The following KCNT1 variants were observed in gnomAD, a reference collection of about 807,000 sequenced individuals.
KCNT1 encodes potassium channel subfamily T member 1.
A neutral mutation model predicts 147.8 loss-of-function variants in KCNT1; 78 were observed. The observed-to-expected ratio is 0.53, with a 90% CI of 0.44 to 0.64. The LOEUF is 0.64. Ranked by LOEUF, KCNT1 falls within the 30% of genes least tolerant of loss-of-function variation. The pLI, the probability that KCNT1 is intolerant of heterozygous loss-of-function variation, is 0.00. For synonymous variants in KCNT1, 867 were observed against 748.8 expected, an observed-to-expected ratio of 1.16 and a Z score of -2.58; for missense variants, 1,419 against 1,750.3, an observed-to-expected ratio of 0.81 and a Z score of 3.38.
At chr9:135,763,101 G>A (rs931004764) in intron 11 of KCNT1, among the ~76,000 whole-genome samples, 1 of 152,374 alleles carries the variant, frequency 6.6e-6, no homozygotes, top group East Asian at 1.9e-4. Context: ...GGGGGCTGGC[G>A]CACCCTCCCT....
intron 13 of KCNT1, among the ~76,000 whole-genome samples, chr9:135,767,368 G>A (rs182373286): frequency 6.6e-6 from 1 of 152,254 alleles, no homozygotes; most frequent in East Asian, 1.9e-4. Flanking sequence ...AGACAGTGGT[G>A]CCAGTGATGT....
At chr9:135,774,412 G>T (rs1203213107) in intron 19 of KCNT1, among the ~76,000 whole-genome samples, 1 of 141,400 alleles carries the variant, frequency 7.1e-6, no homozygotes, top group Non-Finnish European at 1.6e-5. Context: ...TGTGTGTGTG[G>T]TGTGTGTCTG....
rs760121994 is a variant in KCNT1 at position 135,714,736 on chromosome 9, G to A, written c.254+16G>A. The A allele has an allele frequency of 1.6e-6, 2 of 1,279,522 alleles. No individual in the cohort carries two copies. The highest frequency in any genetic ancestry group is 2.6e-5 in the African/African-American group (1 of 37,968). The allele number at this position is 1,279,522 out of a possible 1,614,324, so 79.3% of individuals were successfully genotyped here. A position where few individuals can be genotyped will look rare whatever the true frequency, so the allele number is the denominator to read the frequency against. On this transcript the variant is annotated intron_variant, in intron 2 of 30. Coordinates refer to ENST00000371757, the MANE Select transcript of KCNT1 (RefSeq NM_020822.3). This position sits in a 1 kb window ranked among gnomAD's most constrained non-coding sequence, Gnocchi z 6.2. Reference sequence around the variant, plus strand: ...ACGACGACAGGTAGGGACCGGGCGCGGGGTGGGGGCTGGGGTCGCCGTCCC... The same window carrying A: ...ACGACGACAGGTAGGGACCGGGCGCAGGGTGGGGGCTGGGGTCGCCGTCCC...
At chr9:135,760,124 G>C (rs979024400) in intron 11 of KCNT1, among the ~76,000 whole-genome samples, 18 of 152,264 alleles carry the variant, frequency 1.2e-4, no homozygotes, top group Non-Finnish European at 2.4e-4. Context: ...TCCAGTGCCA[G>C]GGTGACCTGC....
At chr9:135,748,196 G>A (rs1185792075) in intron 2 of KCNT1, among the ~76,000 whole-genome samples, 1 of 152,128 alleles carries the variant, frequency 6.6e-6, no homozygotes, top group Admixed American at 6.5e-5. Flanking sequence ...TGCCTCCCAA[G>A]TTCCTGGGAT....
At chr9:135,732,025 GA>G (rs1431027038) in intron 2 of KCNT1, among the ~76,000 whole-genome samples, 20 of 115,770 alleles carry the variant, frequency 1.7e-4, no homozygotes, top group Non-Finnish European at 2.3e-4. Context: ...GAGAGAGAGA[GA>G]GAGAGAGAGA....
At chr9:135,722,857 C>T (rs1281538189) in intron 2 of KCNT1, among the ~76,000 whole-genome samples, 1 of 152,224 alleles carries the variant, frequency 6.6e-6, no homozygotes, top group African/African-American at 2.4e-5. Context: ...AAATACCATC[C>T]CATCAGCGGT....
chr9:135,734,231 G>A (rs942118086), intron 2 of KCNT1, among the ~76,000 whole-genome samples: 4 of 152,180 alleles, frequency 2.6e-5, no homozygotes, highest in African/African-American at 7.2e-5. Flanking sequence ...GGAGCAGAAA[G>A]TGCTGGGGAC....
chr9:135,782,776 G>A (rs758840368), intron 24 of KCNT1, among the ~76,000 whole-genome samples: 43 of 152,308 alleles, frequency 2.8e-4, no homozygotes, highest in Non-Finnish European at 4.3e-4. Flanking sequence ...GTTCGTCTCC[G>A]CGAAGTACGG....
intron 2 of KCNT1, among the ~76,000 whole-genome samples, chr9:135,718,694 C>G (rs1297441896): frequency 6.6e-6 from 1 of 152,218 alleles, no homozygotes; most frequent in Non-Finnish European, 1.5e-5. Context: ...TATTTCTACC[C>G]TGGGGCAGGC....
chr9:135,775,189 C>T (rs141192156), intron 19 of KCNT1, 121 bp from the exon 20 acceptor site: 22 of 652,352 alleles, frequency 3.4e-5, no homozygotes, highest in Non-Finnish European at 4.9e-5. Context: ...TGTGCGTGAC[C>T]CCGAGCAACG....
At chr9:135,748,741 C>T (rs1461938438) in intron 2 of KCNT1, among the ~76,000 whole-genome samples, 1 of 152,226 alleles carries the variant, frequency 6.6e-6, no homozygotes, top group Non-Finnish European at 1.5e-5. Flanking sequence ...TCTGTCTGCC[C>T]TACTGTGTTG....
intron 17 of KCNT1, 101 bp downstream of exon 17, chr9:135,770,548 G>C: frequency 7.1e-7 from 1 of 1,411,428 alleles, no homozygotes; most frequent in Non-Finnish European, 9.6e-7. Flanking sequence ...CTGGGGCGGG[G>C]CTGCAGAGGG....
intron 1 of KCNT1, among the ~76,000 whole-genome samples, chr9:135,709,013 T>G (rs1835369068): frequency 6.6e-6 from 1 of 152,216 alleles, no homozygotes; most frequent in Admixed American, 6.5e-5. Context: ...CCTTAGCTGT[T>G]CCGTTTGCCA....
intron 19 of KCNT1, among the ~76,000 whole-genome samples, chr9:135,774,309 G>A (rs969210515): frequency 1.3e-5 from 2 of 148,920 alleles, no homozygotes; most frequent in African/African-American, 4.9e-5. Context: ...GTGTGTCTGT[G>A]TGCTGTGTGT....
chr9:135,720,053 G>C (rs542026933), intron 2 of KCNT1, among the ~76,000 whole-genome samples: 2 of 152,142 alleles, frequency 1.3e-5, no homozygotes, highest in Admixed American at 6.5e-5. Flanking sequence ...GCGGGCCTGC[G>C]TGGAGGATGG....
chr9:135,724,249 C>T (rs1410840435), intron 2 of KCNT1, among the ~76,000 whole-genome samples: 1 of 152,240 alleles, frequency 6.6e-6, no homozygotes, highest in Admixed American at 6.5e-5. Context: ...TCCCCGGAGG[C>T]CAGGCTGGGG....
chr9:135,747,526 C>G (rs1369127919), intron 2 of KCNT1, among the ~76,000 whole-genome samples: 1 of 152,128 alleles, frequency 6.6e-6, no homozygotes, highest in Non-Finnish European at 1.5e-5. Context: ...GCCTGGACCT[C>G]CAGCATCCTG....
At chr9:135,764,330 T>C (rs10776843) in intron 11 of KCNT1, among the ~76,000 whole-genome samples, 34,815 of 151,958 alleles carry the variant, frequency 0.23, 4,102 homozygotes, top group Middle Eastern at 0.34. Context: ...ATGGTGGTGA[T>C]GCACCTAGAA....
Sources: gnomAD v4.1 joint callset for allele counts (sites outside exome capture counted in the v4.1 genomes callset) on GRCh38, gnomAD v4.1.1 for gene constraint, Gnocchi (gnomAD v3.1) non-coding constraint, MANE v1.5 for transcripts, NCBI Gene and HGNC (gene_info 2026-07-23, HGNC 2026-07-21) for gene names.